Variants in ADGB observed in about 807,000 individuals in gnomAD.
ADGB encodes the protein calpain-7-like protein.
ADGB carries 172 observed loss-of-function variants against 210.5 expected under a neutral mutation model. The observed-to-expected ratio is 0.82, with a 90% CI of 0.72 to 0.93. ADGB has a LOEUF of 0.93. Among genes scored for constraint, ADGB ranks in the 40% least tolerant of loss-of-function variants. The probability of loss-of-function intolerance (pLI) is 0.00; values close to 1 mark genes in which losing one functional copy is unlikely to be tolerated. For synonymous variants in ADGB, 658 were observed against 662.7 expected (o/e 0.99, Z 0.11); for missense variants, 2,025 against 1,964.8 (o/e 1.03, Z -0.58).
intron 2 of ADGB, among the ~76,000 whole-genome samples, chr6:146,636,039 A>T (rs1340417709): frequency 6.6e-6 from 1 of 152,082 alleles, no homozygotes; most frequent in African/African-American, 2.4e-5. Context: ...TTGTCACATA[A>T]ACATGGCATG....
At chr6:146,774,137 C>A in intron 29 of ADGB, among the ~76,000 whole-genome samples, 1 of 151,998 alleles carries the variant, frequency 6.6e-6, no homozygotes, top group Non-Finnish European at 1.5e-5. Flanking sequence ...TTAGTGAACA[C>A]AAAAGTAATA....
chr6:146,728,988 T>C (rs1234875093), intron 20 of ADGB, among the ~76,000 whole-genome samples: 1 of 152,216 alleles, frequency 6.6e-6, no homozygotes, highest in Non-Finnish European at 1.5e-5. Flanking sequence ...ATGCAGGGTG[T>C]CCTGAGGAAC....
intron 7 of ADGB, among the ~76,000 whole-genome samples, chr6:146,667,478 T>C (rs1775952026): frequency 6.6e-6 from 1 of 151,962 alleles, no homozygotes; most frequent in Non-Finnish European, 1.5e-5. Flanking sequence ...TTTAGGCAAA[T>C]AGAGGGAAAA....
In ADGB at chr6:146,691,465, T is replaced by A. The variant is rs1421913564; in HGVS notation, c.1486+175T>A. ...ATAAAAATATATATATATAAAAATA[T>A]ATATATATATAAATATATATATATA... On this transcript the variant is annotated intron_variant, in intron 11 of 35. Coordinates refer to ENST00000397944, the MANE Select transcript of ADGB (RefSeq NM_024694.4). Among the ~76,000 whole-genome samples the A allele has an allele frequency of 7.4e-4, 11 of 14,846 alleles. 1 individual carries two copies. Among genetic ancestry groups the A allele is most frequent in the African/African-American group, 4.3e-3 (9 of 2,086 alleles). 9.7% of individuals were successfully genotyped at this position (14,846 alleles called of 152,430 possible).
chr6:146,673,757 A>G (rs1272187403), intron 8 of ADGB, among the ~76,000 whole-genome samples: 1 of 152,158 alleles, frequency 6.6e-6, no homozygotes, highest in African/African-American at 2.4e-5. Flanking sequence ...TCACAAAATG[A>G]TTTTGAATAT....
At chr6:146,796,144 T>C (rs147092322) in intron 33 of ADGB, among the ~76,000 whole-genome samples, 114 of 151,684 alleles carry the variant, frequency 7.5e-4, no homozygotes, top group African/African-American at 2.8e-3. Context: ...ACCAAGGAGG[T>C]GAAAGAGCTC....
chr6:146,713,806 T>C (rs967075628), intron 13 of ADGB, among the ~76,000 whole-genome samples: 2 of 152,060 alleles, frequency 1.3e-5, no homozygotes, highest in African/African-American at 4.8e-5. Flanking sequence ...TTTGGAGTCA[T>C]ATCTAAGAAA....
rs746826168 is a variant in ADGB, at chr6:146,752,481, G to C, written c.3366-49G>C. On this transcript the variant is annotated intron_variant, in intron 26 of 35. Transcript: ENST00000397944. Reference sequence around the variant, plus strand: ...CAAACTATCTCACTTACTGACTTGAGAGAAAGACCAACATACTTGCTTATA... The same window carrying C: ...CAAACTATCTCACTTACTGACTTGACAGAAAGACCAACATACTTGCTTATA... 3.4e-6 allele frequency: 5 copies of C among 1,475,592 alleles called. No individual in the cohort carries two copies. In the African/African-American group the frequency reaches 5.7e-5, roughly 17 times the overall value. 91.4% of individuals were successfully genotyped at this position (1,475,592 alleles called of 1,614,324 possible).
At chr6:146,602,642 G>C (rs1165663397) in intron 1 of ADGB, among the ~76,000 whole-genome samples, 1 of 152,164 alleles carries the variant, frequency 6.6e-6, no homozygotes, top group Non-Finnish European at 1.5e-5. Flanking sequence ...CAGGTTCGGG[G>C]AAGGCTGTCT....
chr6:146,670,922 A>T (rs1226501548), intron 7 of ADGB, among the ~76,000 whole-genome samples: 2 of 152,200 alleles, frequency 1.3e-5, no homozygotes, highest in Non-Finnish European at 2.9e-5. Flanking sequence ...AGAGGATAAT[A>T]CTTGAATTTA....
chr6:146,803,240 T>G (rs1315374580), intron 35 of ADGB: 4 of 1,567,056 alleles, frequency 2.6e-6, no homozygotes, highest in Non-Finnish European at 3.5e-6. Context: ...TGAACAAAAC[T>G]TGGACCATTG....
At chr6:146,785,435 T>C (rs979316866) in intron 31 of ADGB, among the ~76,000 whole-genome samples, 175 bp from the exon 32 acceptor site, 1 of 152,188 alleles carries the variant, frequency 6.6e-6, no homozygotes, top group African/African-American at 2.4e-5. Context: ...TCATGGATGA[T>C]TCAGAATTTG....
intron 1 of ADGB, among the ~76,000 whole-genome samples, chr6:146,623,314 A>G (rs1780923442): frequency 6.6e-6 from 1 of 151,974 alleles, no homozygotes; most frequent in Admixed American, 6.6e-5. Flanking sequence ...CAACATATGT[A>G]TATGGTCTAT....
chr6:146,797,405 T>C (rs903870449), intron 33 of ADGB, among the ~76,000 whole-genome samples: 1 of 152,120 alleles, frequency 6.6e-6, no homozygotes, highest in African/African-American at 2.4e-5. Flanking sequence ...CACACATGTT[T>C]ATAGCAGCAC....
Position 146,762,595 on chromosome 6 carries a change from C to T in ADGB, c.3551-1306C>T, listed in dbSNP as rs148351163. On this transcript the variant is annotated intron_variant, in intron 27 of 35. Transcript: ENST00000397944. ...AATTGATTGTGTGCTGTATATTGTG[C>T]GTGCTACACTGCTAAGAGTCTAGAT... Among the ~76,000 whole-genome samples the T allele has an allele frequency of 6.2e-4, 95 of 152,176 alleles. No individual in the cohort carries two copies. The East Asian group carries it at 7.9e-3, about 13-fold the overall frequency.
At chr6:146,614,260 T>A (rs1780757970) in intron 1 of ADGB, among the ~76,000 whole-genome samples, 1 of 145,780 alleles carries the variant, frequency 6.9e-6, no homozygotes, top group African/African-American at 2.5e-5. Context: ...ACAGTTTTTT[T>A]GATATAACAT....
intron 33 of ADGB, among the ~76,000 whole-genome samples, chr6:146,796,801 C>T (rs1365507498): frequency 2.0e-5 from 3 of 151,934 alleles, no homozygotes; most frequent in African/African-American, 7.2e-5. Flanking sequence ...GCAAAGATTT[C>T]ATGACCAAGA....
At chr6:146,813,504 G>T (rs1177784530) in intron 35 of ADGB, among the ~76,000 whole-genome samples, 5 of 151,888 alleles carry the variant, frequency 3.3e-5, no homozygotes, top group African/African-American at 1.2e-4. Flanking sequence ...ATGAAAATGT[G>T]GATATATTAT....
At chr6:146,796,080 A>G (rs368231713) in intron 33 of ADGB, among the ~76,000 whole-genome samples, 24 of 152,296 alleles carry the variant, frequency 1.6e-4, no homozygotes, top group Non-Finnish European at 3.1e-4. Flanking sequence ...AAAAATCAAG[A>G]ACTCAATCTC....
Sources: gnomAD v4.1 joint callset for allele counts (sites outside exome capture counted in the v4.1 genomes callset) on GRCh38, gnomAD v4.1.1 for gene constraint, MANE v1.5 for transcripts, NCBI Gene and HGNC (gene_info 2026-07-23, HGNC 2026-07-21) for gene names.